Variants in DCC observed in about 807,000 individuals in gnomAD.
The protein encoded by DCC is DCC netrin 1 receptor, also known as netrin receptor DCC.
In DCC, 58 loss-of-function variants were observed where a neutral mutation model predicts 172.5. The ratio of observed to expected loss-of-function variants is 0.34; its 90% CI spans 0.27 to 0.42. DCC has a LOEUF of 0.42. Among genes scored for constraint, DCC ranks in the 10% least tolerant of loss-of-function variants. The pLI is 1.00. For missense variants in DCC, 1,740 were observed against 1,791.0 expected (o/e 0.97, Z 0.51); for synonymous variants, 709 against 644.5 (o/e 1.10, Z -1.52).
chr18:52,363,693 C>G (rs1427307094), intron 1 of DCC, among the ~76,000 whole-genome samples: 1 of 152,174 alleles, frequency 6.6e-6, no homozygotes, highest in African/African-American at 2.4e-5. Flanking sequence ...CAGTGTTCAG[C>G]CAACAGGAAG....
intron 9 of DCC, among the ~76,000 whole-genome samples, chr18:53,204,540 C>A (rs1191869445): frequency 1.7e-4 from 22 of 131,162 alleles, no homozygotes; most frequent in Non-Finnish European, 3.3e-4. Context: ...GAGCAAGACT[C>A]TGTTTCTGGA....
chr18:53,203,731 C>T (rs1419965622), intron 9 of DCC, among the ~76,000 whole-genome samples: 2 of 152,066 alleles, frequency 1.3e-5, no homozygotes, highest in East Asian at 3.9e-4. Flanking sequence ...TATTACAGGC[C>T]TACAATGTAT....
intron 2 of DCC, among the ~76,000 whole-genome samples, chr18:52,861,011 CAA>C (rs74178687): frequency 0.023 from 2,775 of 120,906 alleles, 69 homozygotes; most frequent in African/African-American, 0.073. Flanking sequence ...GAATCCATTT[CAA>C]AAAAAAAAAA....
At chr18:52,483,495 A>T (rs532265895) in intron 1 of DCC, among the ~76,000 whole-genome samples, 63 of 152,218 alleles carry the variant, frequency 4.1e-4, no homozygotes, top group Non-Finnish European at 2.9e-4. Context: ...TTACTTATAA[A>T]TATTATTAAC....
intron 27 of DCC, among the ~76,000 whole-genome samples, chr18:53,519,824 A>G (rs943987813): frequency 2.0e-5 from 3 of 152,172 alleles, no homozygotes; most frequent in African/African-American, 7.2e-5. Flanking sequence ...AGAAAAAGTC[A>G]TCAAAAATTC....
At chr18:52,656,084 G>A (rs1184310316) in intron 1 of DCC, among the ~76,000 whole-genome samples, 7 of 144,658 alleles carry the variant, frequency 4.8e-5, no homozygotes, top group Non-Finnish European at 1.1e-4. Context: ...ATATATATGT[G>A]TGTGTGTGTA....
intron 1 of DCC, among the ~76,000 whole-genome samples, chr18:52,556,753 A>C (rs1462923284): frequency 6.6e-6 from 1 of 151,842 alleles, no homozygotes; most frequent in African/African-American, 2.4e-5. Flanking sequence ...ATAATTGCAC[A>C]TACTCCCATA....
At chr18:53,247,853 C>G (rs2056383404) in intron 12 of DCC, among the ~76,000 whole-genome samples, 1 of 151,904 alleles carries the variant, frequency 6.6e-6, no homozygotes, top group Non-Finnish European at 1.5e-5. Flanking sequence ...TTCAACAGAG[C>G]CACAGAATTC....
intron 8 of DCC, among the ~76,000 whole-genome samples, chr18:53,162,562 C>G (rs1319842595): frequency 1.3e-5 from 2 of 152,158 alleles, no homozygotes; most frequent in African/African-American, 4.8e-5. Context: ...ACTTCTCTAA[C>G]CTCATCACGT....
chr18:52,634,051 G>A (rs900113316), intron 1 of DCC, among the ~76,000 whole-genome samples: 1 of 152,194 alleles, frequency 6.6e-6, no homozygotes, highest in African/African-American at 2.4e-5. Context: ...GTATATGGAG[G>A]ATATCTTTGT....
chr18:52,976,879 A>G (rs530455069), intron 5 of DCC, among the ~76,000 whole-genome samples: 3 of 152,234 alleles, frequency 2.0e-5, no homozygotes, highest in Non-Finnish European at 4.4e-5. Flanking sequence ...CAGTTCTTCA[A>G]ATGAAACCTG....
intron 2 of DCC, among the ~76,000 whole-genome samples, chr18:52,837,094 A>C (rs988048802): frequency 6.6e-5 from 10 of 152,090 alleles, no homozygotes; most frequent in Non-Finnish European, 1.0e-4. Flanking sequence ...CCATGGCTGG[A>C]GTGTCTGGGA....
At chr18:53,519,719 T>C (rs1439271545) in intron 27 of DCC, among the ~76,000 whole-genome samples, 1 of 151,988 alleles carries the variant, frequency 6.6e-6, no homozygotes, top group Non-Finnish European at 1.5e-5. Flanking sequence ...AAAGCGTTCA[T>C]GTTTAGGCCA....
intron 1 of DCC, among the ~76,000 whole-genome samples, chr18:52,388,023 A>T (rs1429803901): frequency 6.6e-6 from 1 of 151,882 alleles, no homozygotes; most frequent in Non-Finnish European, 1.5e-5. Context: ...CATACTAATC[A>T]CATCGTGGTC....
intron 1 of DCC, among the ~76,000 whole-genome samples, chr18:52,501,749 G>GTATTCT (rs2031030073): frequency 1.3e-5 from 2 of 152,058 alleles, no homozygotes; most frequent in African/African-American, 4.8e-5. Context: ...ATTTCTGAGT[G>GTATTCT]GATATTTTTT....
chr18:53,331,837 G>A (rs1255405667), intron 14 of DCC, among the ~76,000 whole-genome samples: 2 of 152,204 alleles, frequency 1.3e-5, no homozygotes, highest in Non-Finnish European at 2.9e-5. Context: ...GAAAATCAAG[G>A]AAGGGAAGAA....
intron 1 of DCC, among the ~76,000 whole-genome samples, chr18:52,660,395 C>A (rs2035336559): frequency 6.6e-6 from 1 of 151,860 alleles, no homozygotes. Flanking sequence ...AAATCCAAAC[C>A]ACCACACAAG....
At chr18:53,215,710 A>T (rs1403785797) in intron 12 of DCC, 113 bp downstream of exon 12, 1 of 864,492 alleles carries the variant, frequency 1.2e-6, no homozygotes, top group East Asian at 2.4e-5. Flanking sequence ...CCATGTGCAG[A>T]AATGTTCTGG....
rs113602018 is a variant in DCC at position 53,479,413 on chromosome 18, T to TA, written c.3737-7379dup. Among the ~76,000 whole-genome samples, 388 of 152,292 alleles carry TA rather than the reference T, an allele frequency of 2.5e-3. 3 individuals are homozygous for TA. Among genetic ancestry groups the TA allele is most frequent in the African/African-American group, 9.0e-3 (376 of 41,548 alleles). On this transcript the variant is annotated intron_variant, in intron 25 of 28. Transcript: ENST00000442544. ...CCATGGCTCTGTATAAAAATGGAAT[T>TA]AAAAAGTTGTTAATGAATGGGAACT...
Sources: allele counts gnomAD v4.1 joint callset (sites outside exome capture counted in the v4.1 genomes callset), GRCh38; gene constraint gnomAD v4.1.1; transcripts MANE v1.5; gene names NCBI Gene and HGNC (gene_info 2026-07-23, HGNC 2026-07-21).